The following NFIB variants were observed in gnomAD, a reference collection of about 807,000 sequenced individuals.
NFIB encodes the protein nuclear factor 1 B-type.
A neutral mutation model predicts 61.5 loss-of-function variants in NFIB; 11 were observed. The ratio of observed to expected loss-of-function variants is 0.18; its 90% CI spans 0.11 to 0.30. NFIB has a LOEUF of 0.30. Among genes scored for constraint, NFIB ranks in the 10% least tolerant of loss-of-function variants. The pLI is 1.00. For missense variants in NFIB, 471 were observed against 608.9 expected, an observed-to-expected ratio of 0.77 and a Z score of 2.38; for synonymous variants, 260 against 216.5, an observed-to-expected ratio of 1.20 and a Z score of -1.76.
chr9:14,401,838 C>A (rs548583785), upstream of NFIB, among the ~76,000 whole-genome samples: 2 of 152,032 alleles, frequency 1.3e-5, no homozygotes, highest in Admixed American at 1.3e-4. Flanking sequence ...CAGAACAATC[C>A]CTAATGTGCT....
chr9:14,315,574 C>T (rs922790783), upstream of NFIB, among the ~76,000 whole-genome samples: 6 of 144,100 alleles, frequency 4.2e-5, no homozygotes, highest in Non-Finnish European at 9.2e-5. Flanking sequence ...CGCGCCGCTG[C>T]AGCCCTCCAG....
the NFIB span, among the ~76,000 whole-genome samples, chr9:14,463,895 C>T: frequency 6.6e-6 from 1 of 152,206 alleles, no homozygotes; most frequent in South Asian, 2.1e-4. Context: ...CTCCTGACCT[C>T]GTGGTCCGAC....
chr9:14,315,756 C>A (rs1368662156), upstream of NFIB, among the ~76,000 whole-genome samples: 1 of 151,810 alleles, frequency 6.6e-6, no homozygotes, highest in Non-Finnish European at 1.5e-5. Flanking sequence ...CATACACACA[C>A]CGCCCCCCAA....
At chr9:14,512,639 G>A in the NFIB span, among the ~76,000 whole-genome samples, 2 of 151,946 alleles carry the variant, frequency 1.3e-5, no homozygotes, top group Non-Finnish European at 2.9e-5. Flanking sequence ...TTTTAATGTA[G>A]TGCTGAGTTC....
In NFIB at chr9:14,155,853, A is replaced by G. The variant is rs369406588; in HGVS notation, c.657T>C (p.Asn219=). 1.0e-5 allele frequency: 16 copies of G among 1,588,314 alleles called. No homozygotes were observed. In the African/African-American group the frequency reaches 2.0e-4, roughly 20 times the overall value. The part of the protein sequence containing the change: ...EDSFVKSGVF[N]VSELVRVSRT... ...TGGATACTCTTACAAGTTCTGATAC[A>G]TTGAAGACTCCAGATTTTACAAAAC... The change falls in exon 4 of 11, where the codon AAT becomes AAC. Residue 219 remains asparagine (N), a synonymous_variant. Transcript: ENST00000380953.
At chr9:14,338,114 G>T (rs999123742) in intron 1 of NFIB, among the ~76,000 whole-genome samples, 5 of 152,170 alleles carry the variant, frequency 3.3e-5, no homozygotes, top group African/African-American at 1.2e-4. Flanking sequence ...AAAATACGTA[G>T]CCGGGCGCAG....
At chr9:14,319,224 T>C (rs2060609029) in intron 1 of NFIB, among the ~76,000 whole-genome samples, 1 of 151,002 alleles carries the variant, frequency 6.6e-6, no homozygotes, top group African/African-American at 2.4e-5. Context: ...TAAGTGTGTC[T>C]ACATTTCTAG....
In NFIB at chr9:14,288,796, C is replaced by T. The variant is rs576259477; in HGVS notation, c.562+18193G>A. ...CTACTTGTAAATTACTCGGACAAGG[C>T]CATCAGTATTTCACCGTTTTTTCCT... On this transcript the variant is annotated intron_variant, in intron 2 of 10. Coordinates refer to ENST00000380953, the MANE Select transcript of NFIB (RefSeq NM_001190737.2). 2.0e-5 allele frequency among the ~76,000 whole-genome samples: 3 copies of T among 152,122 alleles called. No homozygotes were observed. The South Asian group carries it at 6.2e-4, about 32-fold the overall frequency.
chr9:14,469,530 G>A, the NFIB span, among the ~76,000 whole-genome samples: 1 of 152,160 alleles, frequency 6.6e-6, no homozygotes, highest in Non-Finnish European at 1.5e-5. Context: ...ACGTAATCTT[G>A]TGTATTTTAC....
At chr9:14,281,245 G>A (rs1033299750) in intron 2 of NFIB, among the ~76,000 whole-genome samples, 1 of 152,122 alleles carries the variant, frequency 6.6e-6, no homozygotes, top group Non-Finnish European at 1.5e-5. Context: ...GAAGTCTTAT[G>A]GGTTCCATAG....
chr9:14,271,039 C>G (rs894642855), intron 2 of NFIB, among the ~76,000 whole-genome samples: 2 of 152,018 alleles, frequency 1.3e-5, no homozygotes, highest in Non-Finnish European at 2.9e-5. Context: ...CCCATTCTCA[C>G]GTATGCATGT....
At chr9:14,337,802 G>T (rs1277383849) in intron 1 of NFIB, among the ~76,000 whole-genome samples, 1 of 152,130 alleles carries the variant, frequency 6.6e-6, no homozygotes, top group African/African-American at 2.4e-5. Flanking sequence ...TTTCTTTTCA[G>T]TTTACTTTTG....
chr9:14,469,687 C>T, the NFIB span, among the ~76,000 whole-genome samples: 1 of 152,116 alleles, frequency 6.6e-6, no homozygotes, highest in East Asian at 1.9e-4. Context: ...CTTGTATTCC[C>T]CCTTTCAGAC....
chr9:14,104,732 C>T (rs1455447509), intron 10 of NFIB, among the ~76,000 whole-genome samples: 1 of 150,800 alleles, frequency 6.6e-6, no homozygotes, highest in Non-Finnish European at 1.5e-5. Context: ...AGGTTCGTGC[C>T]ACCATGCCTG....
intron 2 of NFIB, among the ~76,000 whole-genome samples, chr9:14,245,481 G>A (rs2054816634): frequency 1.3e-5 from 2 of 151,594 alleles, no homozygotes; most frequent in African/African-American, 2.4e-5. Flanking sequence ...AAAACCAACG[G>A]CAACAAAAAA....
At chr9:14,525,076 T>C in the NFIB span, among the ~76,000 whole-genome samples, 2 of 152,172 alleles carry the variant, frequency 1.3e-5, no homozygotes, top group South Asian at 2.1e-4. Flanking sequence ...CGAGGAAAGA[T>C]GAATGGAATC....
rs1483173881 is a variant in NFIB, at chr9:14,085,525, T to C, written c.*2784A>G. The C allele has an allele frequency of 3.2e-5, 7 of 219,874 alleles. No individual in the cohort carries two copies. The highest frequency in any genetic ancestry group is 4.6e-5 in the Non-Finnish European group (5 of 109,868). The allele number at this position is 219,874 out of a possible 1,614,324, so 13.6% of individuals were successfully genotyped here. A position where few individuals can be genotyped will look rare whatever the true frequency, so the allele number is the denominator to read the frequency against. On this transcript the variant is annotated 3_prime_UTR_variant, in exon 11 of 11. Coordinates refer to ENST00000380953, the MANE Select transcript of NFIB (RefSeq NM_001190737.2). Reference sequence around the variant, plus strand: ...TGGGTTTAATTCATCCACAGGAAGATTAATTGCTTAAAATTCTATATTTCC... The same window carrying C: ...TGGGTTTAATTCATCCACAGGAAGACTAATTGCTTAAAATTCTATATTTCC...
intron 2 of NFIB, among the ~76,000 whole-genome samples, chr9:14,203,473 G>T (rs909546584): frequency 1.3e-5 from 2 of 152,186 alleles, no homozygotes; most frequent in African/African-American, 4.8e-5. Flanking sequence ...CCTGTGCTTT[G>T]TAATTATAAG....
At chr9:14,347,596 G>GGGAGAAGGGAGAAC (rs1554715827) in intron 1 of NFIB, among the ~76,000 whole-genome samples, 2 of 152,072 alleles carry the variant, frequency 1.3e-5, no homozygotes, top group Admixed American at 6.5e-5. Flanking sequence ...GAGGGGAGAA[G>GGGAGAAGGGAGAAC]GGAGAAGGGA....
Sources: gnomAD v4.1 joint callset for allele counts (sites outside exome capture counted in the v4.1 genomes callset) on GRCh38, gnomAD v4.1.1 for gene constraint, MANE v1.5 for transcripts, NCBI Gene and HGNC (gene_info 2026-07-23, HGNC 2026-07-21) for gene names.